WFDC5: variants seen among roughly 807,000 people sequenced by gnomAD.
WFDC5 encodes WAP four-disulfide core domain 5, also known as WAP four-disulfide core domain protein 5.
WFDC5 carries 15 observed loss-of-function variants against 15.7 expected under a neutral mutation model. The observed-to-expected ratio is 0.96, with a 90% confidence interval of 0.64 to 1.47. The LOEUF (loss-of-function observed/expected upper bound fraction) is 1.47. WFDC5 is among the 40% of genes most tolerant of loss of function. WFDC5 has a pLI of 0.00. For missense variants in WFDC5, 280 were observed against 258.0 expected, an observed-to-expected ratio of 1.09 and a Z score of -0.59; for synonymous variants, 109 against 107.7, an observed-to-expected ratio of 1.01 and a Z score of -0.07.
intron 1 of WFDC5, 55 bp downstream of exon 1, chr20:45,114,944 C>G (rs1344563922): frequency 6.3e-7 from 1 of 1,589,742 alleles, no homozygotes; most frequent in African/African-American, 1.3e-5. Flanking sequence ...CCTTACTCTC[C>G]CTAGAGAAGT....
intron 1 of WFDC5, among the ~76,000 whole-genome samples, chr20:45,112,902 T>G (rs1342700987): frequency 6.6e-6 from 1 of 152,180 alleles, no homozygotes; most frequent in Non-Finnish European, 1.5e-5. Flanking sequence ...TGTATGTACA[T>G]ATGAGCTGGA....
In WFDC5 at chr20:45,114,781, A is replaced by G. The variant is rs114450143; in HGVS notation, c.85+218T>C. Among the ~76,000 whole-genome samples, 946 of 152,058 alleles carry G rather than the reference A, an allele frequency of 6.2e-3. 7 individuals carry two copies. The highest frequency in any genetic ancestry group is 0.022 in the African/African-American group (904 of 41,456). The stretch of plus-strand genomic sequence containing the variant: ...GCAGAAAAGACACTTACAGATACCA[A>G]CACAGGCAGGTGGACAGGCACAAAT... On this transcript the variant is annotated intron_variant, in intron 1 of 3. Coordinates refer to ENST00000307971, the Ensembl canonical transcript of WFDC5.
upstream of WFDC5, among the ~76,000 whole-genome samples, chr20:45,115,430 G>A (rs977225315): frequency 2.6e-5 from 4 of 152,154 alleles, no homozygotes; most frequent in African/African-American, 9.7e-5. Flanking sequence ...TGCTATCCTG[G>A]CTCTCAAAGA....
Position 45,115,119 on chromosome 20 carries a change from G to C in WFDC5, c.-36C>G. On this transcript the variant is annotated 5_prime_UTR_variant, in exon 1 of 4. It adds an upstream start codon to the 5' untranslated region. Transcript: ENST00000307971. Reference sequence around the variant, plus strand: ...CCGGCTCAGGGCCCAGGGCCCCCCAGATTAACACCTGCAGCCTCAGGGAAG... The same window carrying C: ...CCGGCTCAGGGCCCAGGGCCCCCCACATTAACACCTGCAGCCTCAGGGAAG... The C allele has an allele frequency of 6.3e-7, 1 of 1,596,000 alleles. No individual in the cohort carries two copies. Among genetic ancestry groups the C allele is most frequent in the Non-Finnish European group, 8.5e-7 (1 of 1,170,236 alleles).
At chr20:45,109,502 C>T in exon 4 of WFDC5, 1 of 507,762 alleles carries the variant, frequency 2.0e-6, no homozygotes, top group Non-Finnish European at 3.5e-6. Context: ...CAAAAGTGAG[C>T]CATTTAAAGA....
chr20:45,110,125 G>A, intron 3 of WFDC5, 112 bp from the exon 4 acceptor site: 3 of 1,450,604 alleles, frequency 2.1e-6, no homozygotes, highest in Non-Finnish European at 2.8e-6. Flanking sequence ...ACCAAGGCAG[G>A]ATTCCTCTGC....
intron 1 of WFDC5, among the ~76,000 whole-genome samples, chr20:45,113,095 C>T (rs1477667071): frequency 1.3e-5 from 2 of 152,210 alleles, no homozygotes; most frequent in African/African-American, 4.8e-5. Flanking sequence ...TACACAGACA[C>T]ATATATCTTC....
chr20:45,114,882 C>T, intron 1 of WFDC5, 117 bp downstream of exon 1: 1 of 1,039,672 alleles, frequency 9.6e-7, no homozygotes, highest in Non-Finnish European at 1.4e-6. Context: ...CACGCACGCA[C>T]ACACACACGC....
intron 1 of WFDC5, 98 bp downstream of exon 1, chr20:45,114,901 A>C (rs932323481): frequency 6.3e-5 from 82 of 1,305,156 alleles, no homozygotes; most frequent in East Asian, 9.5e-5. Context: ...GCGCACACAC[A>C]CCCCACAGGG....
Position 45,111,279 on chromosome 20 carries a change from C to T in WFDC5, c.86-504G>A, listed in dbSNP as rs561722922. Among the ~76,000 whole-genome samples, 139 of 117,026 alleles carry T rather than the reference C, an allele frequency of 1.2e-3. 1 individual carries two copies. The highest frequency in any genetic ancestry group is 1.9e-3 in the Admixed American group (23 of 12,328). The allele number at this position is 117,026 out of a possible 152,430, so 76.8% of individuals were successfully genotyped here. A position where few individuals can be genotyped will look rare whatever the true frequency, so the allele number is the denominator to read the frequency against. ...TCTGACCCCACATTAACTAGGTCAG[C>T]GCCCCCCCACCCCGGCCCCCACACA... On this transcript the variant is annotated intron_variant, in intron 1 of 3. Transcript: ENST00000307971.
chr20:45,114,855 C>T lies in WFDC5; in HGVS notation c.85+144G>A. 9.3e-6 allele frequency: 7 copies of T among 754,588 alleles called. 1 individual carries two copies. In the East Asian group the frequency reaches 1.9e-4, roughly 21 times the overall value. 46.7% of individuals were successfully genotyped at this position (754,588 alleles called of 1,614,324 possible). ...TCTGAAAGCACTAAGAATCAGGCAT[C>T]CACACATACACACACGCACGCACGC... On this transcript the variant is annotated intron_variant, in intron 1 of 3. Coordinates refer to ENST00000307971, the Ensembl canonical transcript of WFDC5.
intron 1 of WFDC5, among the ~76,000 whole-genome samples, chr20:45,113,696 A>G (rs1310840168): frequency 5.3e-5 from 8 of 152,350 alleles, no homozygotes; most frequent in Admixed American, 2.0e-4. Context: ...GCACTTGCCA[A>G]TCTGGCCTTG....
At chr20:45,110,045 T>G in intron 3 of WFDC5, 32 bp from the exon 4 acceptor site, 1 of 1,605,350 alleles carries the variant, frequency 6.2e-7, no homozygotes, top group Non-Finnish European at 8.5e-7. Context: ...GTTAATTCCT[T>G]CCCATAATAG....
At chr20:45,112,667 A>T (rs1270408016) in intron 1 of WFDC5, among the ~76,000 whole-genome samples, 1 of 152,232 alleles carries the variant, frequency 6.6e-6, no homozygotes, top group Non-Finnish European at 1.5e-5. Context: ...ATACACTTGT[A>T]CACACAGACG....
At chr20:45,110,295 C>T in intron 3 of WFDC5, 105 bp downstream of exon 3, 2 of 1,515,336 alleles carry the variant, frequency 1.3e-6, no homozygotes, top group Non-Finnish European at 1.8e-6. Flanking sequence ...CATGGGAGGT[C>T]CTGACTTCTG....
intron 1 of WFDC5, 26 bp downstream of exon 1, chr20:45,114,973 C>A (rs375548805): frequency 1.2e-6 from 2 of 1,610,820 alleles, no homozygotes; most frequent in Non-Finnish European, 1.7e-6. Flanking sequence ...TCTGGTCCCC[C>A]CAGCAGAGGG....
At chr20:45,111,493 T>C (rs1049484799) in intron 1 of WFDC5, among the ~76,000 whole-genome samples, 1 of 152,166 alleles carries the variant, frequency 6.6e-6, no homozygotes, top group East Asian at 1.9e-4. Context: ...AGGCCCAGCA[T>C]TGCACGTGCG....
Position 45,115,042 on chromosome 20 carries a change from AG to A in WFDC5, c.41del (p.Ala14ValfsTer44). On this transcript the variant is annotated frameshift_variant, in exon 1 of 4. Transcript: ENST00000307971. LOFTEE classifies it high-confidence loss of function. Reference sequence around the variant, plus strand: ...AGACAGCAGGCAGCTGACTCCCCACAGCCAGGAGGGCCCCCAGGAGGAGAAG... The same window carrying A: ...AGACAGCAGGCAGCTGACTCCCCACACCAGGAGGGCCCCCAGGAGGAGAAG... 1 of 1,613,624 alleles carries A rather than the reference AG, an allele frequency of 6.2e-7. No homozygotes were observed. Among genetic ancestry groups the A allele is most frequent in the South Asian group, 1.1e-5 (1 of 91,066 alleles).
Position 45,110,027 on chromosome 20 carries a change from A to G in WFDC5, c.394-14T>C. ...ATCAGAATTAGCCTGAGGAGGGAGA[A>G]AGAAAGGGTTAATTCCTTCCCATAA... On this transcript the variant is annotated splice_polypyrimidine_tract_variant and intron_variant, in intron 3 of 3. Coordinates refer to ENST00000307971, the Ensembl canonical transcript of WFDC5. The G allele has an allele frequency of 6.2e-7, 1 of 1,610,928 alleles. No homozygotes were observed. Among genetic ancestry groups the G allele is most frequent in the South Asian group, 1.1e-5 (1 of 91,020 alleles).
Sources: gnomAD v4.1 joint callset for allele counts (sites outside exome capture counted in the v4.1 genomes callset) on GRCh38, gnomAD v4.1.1 for gene constraint, MANE v1.5 for transcripts, NCBI Gene and HGNC (gene_info 2026-07-23, HGNC 2026-07-21) for gene names.